The following ATP8A2 variants were observed in gnomAD, a reference collection of about 807,000 sequenced individuals.
ATP8A2 encodes phospholipid-transporting ATPase IB.
Under a neutral mutation model 165.6 loss-of-function variants are expected in ATP8A2, and 100 were observed. The observed-to-expected ratio is 0.60, with a 90% confidence interval of 0.51 to 0.71. The LOEUF (loss-of-function observed/expected upper bound fraction) is 0.71, where lower values mean the gene tolerates loss of function less well. Among genes scored for constraint, ATP8A2 ranks in the 30% least tolerant of loss-of-function variants. ATP8A2 has a pLI of 0.00. For missense variants in ATP8A2, 1,227 were observed against 1,479.5 expected (o/e 0.83, Z 2.80); for synonymous variants, 543 against 548.8 (o/e 0.99, Z 0.15).
In ATP8A2 at chr13:25,530,102, A is replaced by G. The variant is rs2037982618; in HGVS notation, c.321+4A>G. On this transcript the variant is annotated splice_donor_region_variant and intron_variant, in intron 3 of 36. Transcript: ENST00000381655. The stretch of plus-strand genomic sequence containing the variant: ...TCTCTTCATTGCCTTATTACAGGTA[A>G]TGGTTTTTTAACAGTTCCTTGGAAT... 2 of 1,561,616 alleles carry G rather than the reference A, an allele frequency of 1.3e-6. No homozygotes were observed. Among genetic ancestry groups the G allele is most frequent in the Non-Finnish European group, 8.8e-7 (1 of 1,135,758 alleles).
At chr13:25,404,355 G>C (rs2033731343) in intron 1 of ATP8A2, among the ~76,000 whole-genome samples, 3 of 152,180 alleles carry the variant, frequency 2.0e-5, no homozygotes. Flanking sequence ...AGAATTGACT[G>C]AAAAGCTCAG....
chr13:25,513,944 GTGGAAAGAGAGGGAGAGGGAGACCA>G (rs1432189800), intron 2 of ATP8A2, among the ~76,000 whole-genome samples: 13 of 146,470 alleles, frequency 8.9e-5, no homozygotes, highest in Admixed American at 4.1e-4. Flanking sequence ...GAGGGAGACC[GTGGAAAGAGAGGGAGAGGGAGACCA>G]TGGGGAGTGG....
intron 33 of ATP8A2, among the ~76,000 whole-genome samples, chr13:25,869,351 A>G (rs1479288256): frequency 6.6e-6 from 1 of 152,088 alleles, no homozygotes; most frequent in African/African-American, 2.4e-5. Flanking sequence ...GATTCTTTCT[A>G]CAGGCGGTGA....
intron 33 of ATP8A2, among the ~76,000 whole-genome samples, chr13:25,910,671 G>A (rs1323979259): frequency 6.6e-6 from 1 of 152,146 alleles, no homozygotes; most frequent in Non-Finnish European, 1.5e-5. Context: ...TGATGAAAGT[G>A]TTTTTGTTTT....
At chr13:25,540,640 A>G (rs2038444090) in intron 8 of ATP8A2, among the ~76,000 whole-genome samples, 1 of 152,076 alleles carries the variant, frequency 6.6e-6, no homozygotes, top group Admixed American at 6.6e-5. Context: ...TCTGCCTGTG[A>G]TGCTGGAGAG....
chr13:26,019,799 C>T (rs1047247608), intron 36 of ATP8A2, 89 bp from the exon 37 acceptor site: 13 of 889,016 alleles, frequency 1.5e-5, no homozygotes, highest in African/African-American at 1.3e-4. Flanking sequence ...CTCACCCGCA[C>T]GCTGCCAAAA....
intron 25 of ATP8A2, among the ~76,000 whole-genome samples, chr13:25,745,329 A>C (rs1167984189): frequency 6.6e-6 from 1 of 152,190 alleles, no homozygotes; most frequent in Non-Finnish European, 1.5e-5. Flanking sequence ...GTTTTCCTGA[A>C]GCTGACATGA....
intron 25 of ATP8A2, among the ~76,000 whole-genome samples, chr13:25,729,361 G>C (rs1416399746): frequency 1.3e-5 from 2 of 152,218 alleles, no homozygotes; most frequent in African/African-American, 4.8e-5. Flanking sequence ...GTGACTAAAG[G>C]TATGGAATGC....
At chr13:25,887,602 T>C (rs1183365237) in intron 33 of ATP8A2, among the ~76,000 whole-genome samples, 12 of 152,082 alleles carry the variant, frequency 7.9e-5, no homozygotes, top group Non-Finnish European at 1.5e-5. Context: ...TCCCAAAGTG[T>C]TGGGATTACA....
At chr13:25,881,679 T>C (rs1208174668) in intron 33 of ATP8A2, among the ~76,000 whole-genome samples, 1 of 152,150 alleles carries the variant, frequency 6.6e-6, no homozygotes, top group African/African-American at 2.4e-5. Flanking sequence ...GAAGTCACCA[T>C]TTGCCTGTGG....
chr13:25,512,225 C>T (rs2037251826), intron 2 of ATP8A2, among the ~76,000 whole-genome samples: 1 of 152,172 alleles, frequency 6.6e-6, no homozygotes, highest in Non-Finnish European at 1.5e-5. Flanking sequence ...ACAACAGGAT[C>T]CCAAGGCAGA....
chr13:25,811,920 A>G (rs1275286976), intron 27 of ATP8A2, among the ~76,000 whole-genome samples: 1 of 152,074 alleles, frequency 6.6e-6, no homozygotes, highest in African/African-American at 2.4e-5. Context: ...ATGTGTGCCT[A>G]TTTTGCAGTA....
intron 1 of ATP8A2, among the ~76,000 whole-genome samples, chr13:25,429,032 A>G (rs1217723899): frequency 6.9e-6 from 1 of 145,152 alleles, no homozygotes; most frequent in African/African-American, 2.9e-5. Flanking sequence ...AGTGAGTGCT[A>G]TCTGCTGCCA....
Position 25,538,039 on chromosome 13 carries a change from G to T in ATP8A2, c.559G>T (p.Asp187Tyr). ...KVVNGQYLPA[D>Y]VVLLSSSEPQ... ...CGTCAATGGGCAGTATCTTCCAGCAGATGTGGTCCTGCTGTCATCCAGGTT... is the reference window on the plus strand; with the variant it reads ...CGTCAATGGGCAGTATCTTCCAGCATATGTGGTCCTGCTGTCATCCAGGTT... Residue 187 changes from aspartate to tyrosine, a missense_variant, in exon 7 of 37, where the codon GAT becomes TAT. Physicochemically the swap from Asp to Tyr is radical, Grantham distance 160 (BLOSUM62 -3). Transcript: ENST00000381655. 6.2e-7 allele frequency: 1 copy of T among 1,613,960 alleles called. No individual in the cohort carries two copies.
intron 33 of ATP8A2, among the ~76,000 whole-genome samples, chr13:25,941,006 C>T (rs1385931214): frequency 2.0e-5 from 3 of 152,174 alleles, no homozygotes; most frequent in Admixed American, 6.5e-5. Flanking sequence ...CTGTCACAGC[C>T]GCCCTTCTCC....
intron 2 of ATP8A2, among the ~76,000 whole-genome samples, chr13:25,519,851 C>T (rs1273618204): frequency 6.6e-6 from 1 of 152,160 alleles, no homozygotes; most frequent in African/African-American, 2.4e-5. Flanking sequence ...CCATTTACCC[C>T]TGGAGATGTT....
chr13:25,714,638 TGATGTGATAG>T (rs956231617), intron 25 of ATP8A2, among the ~76,000 whole-genome samples: 5 of 152,190 alleles, frequency 3.3e-5, no homozygotes, highest in African/African-American at 1.2e-4. Context: ...AATGAATGAA[TGATGTGATAG>T]GCTAACCAAA....
intron 33 of ATP8A2, among the ~76,000 whole-genome samples, chr13:25,886,311 G>T (rs534038453): frequency 6.6e-5 from 10 of 152,302 alleles, no homozygotes; most frequent in Admixed American, 3.3e-4. Flanking sequence ...CTGGGATGAG[G>T]TCATAAAGCT....
intron 33 of ATP8A2, among the ~76,000 whole-genome samples, chr13:25,896,970 G>A (rs1953574234): frequency 6.6e-6 from 1 of 152,108 alleles, no homozygotes; most frequent in African/African-American, 2.4e-5. Flanking sequence ...ACACTGATGG[G>A]TCTTGACTCT....
Sources: allele counts gnomAD v4.1 joint callset (sites outside exome capture counted in the v4.1 genomes callset), GRCh38; gene constraint gnomAD v4.1.1; transcripts MANE v1.5; gene names NCBI Gene and HGNC (gene_info 2026-07-23, HGNC 2026-07-21).